The following POFUT3 variants were observed in gnomAD, a reference collection of about 807,000 sequenced individuals.
The protein encoded by POFUT3 is GDP-fucose protein O-fucosyltransferase 3.
At chr8:33,379,844 A>AT in the POFUT3 span, among the ~76,000 whole-genome samples, 3,549 of 44,570 alleles carry the variant, frequency 0.08, 105 homozygotes, top group East Asian at 0.2. Context: ...TAAAAAAAAA[A>AT]AAATATATAT....
the POFUT3 span, among the ~76,000 whole-genome samples, chr8:33,353,049 G>T: frequency 6.6e-6 from 1 of 152,192 alleles, no homozygotes; most frequent in Non-Finnish European, 1.5e-5. Context: ...CATTTCGAAA[G>T]CTTTGTAAAT....
At chr8:33,387,418 TCA>T in the POFUT3 span, among the ~76,000 whole-genome samples, 3 of 152,334 alleles carry the variant, frequency 2.0e-5, no homozygotes, top group Admixed American at 2.0e-4. Context: ...AAAGATAATT[TCA>T]CACACTGTTT....
At chr8:33,358,569 T>C in the POFUT3 span, among the ~76,000 whole-genome samples, 1 of 152,208 alleles carries the variant, frequency 6.6e-6, no homozygotes, top group Non-Finnish European at 1.5e-5. Context: ...AGAATGTTAC[T>C]ATGGTCAGAA....
the POFUT3 span, among the ~76,000 whole-genome samples, chr8:33,317,589 T>G: frequency 6.6e-6 from 1 of 152,172 alleles, no homozygotes; most frequent in African/African-American, 2.4e-5. Context: ...TCCTGAAATG[T>G]ATAAGCCCTG....
the POFUT3 span, among the ~76,000 whole-genome samples, chr8:33,365,316 A>C: frequency 6.6e-6 from 1 of 152,200 alleles, no homozygotes; most frequent in Non-Finnish European, 1.5e-5. Context: ...CTAGAAAAAA[A>C]CCTAGGCAAT....
chr8:33,466,912 C>A, the POFUT3 span, among the ~76,000 whole-genome samples: 2 of 152,062 alleles, frequency 1.3e-5, no homozygotes, highest in Non-Finnish European at 2.9e-5. Flanking sequence ...CGAGACCAGC[C>A]CGACCAATAT....
chr8:33,450,816 T>A, the POFUT3 span, among the ~76,000 whole-genome samples: 2 of 152,174 alleles, frequency 1.3e-5, no homozygotes, highest in South Asian at 4.1e-4. Context: ...AACTCTTAAG[T>A]GTACTGACAA....
chr8:33,417,350 T>C, the POFUT3 span, among the ~76,000 whole-genome samples: 1 of 152,146 alleles, frequency 6.6e-6, no homozygotes, highest in African/African-American at 2.4e-5. Context: ...ATAACAGATA[T>C]AAAGTGCACA....
chr8:33,343,733 G>A, the POFUT3 span, among the ~76,000 whole-genome samples: 3 of 152,176 alleles, frequency 2.0e-5, 1 homozygote, highest in Middle Eastern at 6.3e-3. Context: ...GATGCTAGAG[G>A]TTTCCTAGAA....
At chr8:33,460,717 A>G in the POFUT3 span, 1 of 984,930 alleles carries the variant, frequency 1.0e-6, no homozygotes, top group Non-Finnish European at 1.2e-6. Context: ...CTCACCTTCT[A>G]TTTCAATGAC....
chr8:33,439,485 A>G, the POFUT3 span, among the ~76,000 whole-genome samples: 1 of 152,186 alleles, frequency 6.6e-6, no homozygotes, highest in Non-Finnish European at 1.5e-5. Context: ...TATCTTTTTA[A>G]AGCATAAATC....
chr8:33,380,176 C>CTA, the POFUT3 span, among the ~76,000 whole-genome samples: 6 of 58,006 alleles, frequency 1.0e-4, no homozygotes, highest in Non-Finnish European at 1.3e-4. Context: ...TATATATATA[C>CTA]TATATATATA....
the POFUT3 span, chr8:33,372,003 T>A: frequency 8.2e-6 from 2 of 243,526 alleles, no homozygotes; most frequent in Non-Finnish European, 1.3e-5. Context: ...CTAAAGAAAG[T>A]GAGAGAGGTG....
the POFUT3 span, among the ~76,000 whole-genome samples, chr8:33,433,203 C>T: frequency 1.8e-4 from 27 of 151,794 alleles, no homozygotes; most frequent in African/African-American, 6.5e-4. Flanking sequence ...CACTGCACTT[C>T]ACCTTGGGCA....
At chr8:33,450,178 T>C in the POFUT3 span, among the ~76,000 whole-genome samples, 1 of 152,138 alleles carries the variant, frequency 6.6e-6, no homozygotes. Flanking sequence ...TGACTTCAGG[T>C]GATCCACTTG....
the POFUT3 span, among the ~76,000 whole-genome samples, chr8:33,418,018 C>T: frequency 1.3e-5 from 2 of 152,168 alleles, no homozygotes; most frequent in African/African-American, 4.8e-5. Flanking sequence ...TATGACCACA[C>T]TGTTTCAGAG....
chr8:33,365,087 G>C, the POFUT3 span, among the ~76,000 whole-genome samples: 4 of 152,034 alleles, frequency 2.6e-5, no homozygotes, highest in African/African-American at 4.8e-5. Flanking sequence ...CAGAACAGAG[G>C]CCTCAGAAAT....
the POFUT3 span, among the ~76,000 whole-genome samples, chr8:33,431,547 C>CAAAAAAAAAAAAAAAAAAA: frequency 2.0e-4 from 7 of 35,082 alleles, 2 homozygotes; most frequent in Non-Finnish European, 4.3e-4. Context: ...GACCCTGTCT[C>CAAAAAAAAAAAAAAAAAAA]AAAAAAAAAA....
At chr8:33,434,030 G>A in the POFUT3 span, among the ~76,000 whole-genome samples, 11 of 150,694 alleles carry the variant, frequency 7.3e-5, no homozygotes, top group African/African-American at 1.7e-4. Context: ...TTGGGAGGCC[G>A]AGGCAGGCAG....
Sources: gnomAD v4.1 joint callset for allele counts (sites outside exome capture counted in the v4.1 genomes callset) on GRCh38, gnomAD v4.1.1 for gene constraint, MANE v1.5 for transcripts, NCBI Gene and HGNC (gene_info 2026-07-23, HGNC 2026-07-21) for gene names.